Variants in KAT6B observed in about 807,000 individuals in gnomAD.
KAT6B encodes lysine acetyltransferase 6B, also known as histone acetyltransferase KAT6B.
In KAT6B, 10 loss-of-function variants were observed where a neutral mutation model predicts 187.5. The ratio of observed to expected loss-of-function variants is 0.05; its 90% CI spans 0.03 to 0.09. The LOEUF (loss-of-function observed/expected upper bound fraction) is 0.09. Among genes scored for constraint, KAT6B ranks in the 10% least tolerant of loss-of-function variants. KAT6B has a pLI of 1.00. For missense variants in KAT6B, 1,952 were observed against 2,558.9 expected, an observed-to-expected ratio of 0.76 and a Z score of 5.12; for synonymous variants, 861 against 926.8, an observed-to-expected ratio of 0.93 and a Z score of 1.29.
At chr10:74,945,726 A>G (rs892074649) in intron 3 of KAT6B, among the ~76,000 whole-genome samples, 1 of 152,100 alleles carries the variant, frequency 6.6e-6, no homozygotes, top group Non-Finnish European at 1.5e-5. Context: ...CTGGGATTAC[A>G]GGCATGAGCC....
intron 3 of KAT6B, among the ~76,000 whole-genome samples, chr10:74,851,193 C>T (rs537515300): frequency 1.3e-5 from 2 of 151,852 alleles, no homozygotes; most frequent in Admixed American, 6.6e-5. Flanking sequence ...CTGCAGCTGC[C>T]GCCTCTCGGG....
chr10:74,991,483 CAT>C (rs1843122455), intron 13 of KAT6B, among the ~76,000 whole-genome samples: 1 of 152,038 alleles, frequency 6.6e-6, no homozygotes, highest in African/African-American at 2.4e-5. Flanking sequence ...TTTTTTTAAC[CAT>C]TTTAGTGAAA....
intron 3 of KAT6B, among the ~76,000 whole-genome samples, chr10:74,953,729 A>G (rs763212817): frequency 2.0e-5 from 3 of 152,186 alleles, no homozygotes; most frequent in Non-Finnish European, 4.4e-5. Context: ...AATGGCTTAC[A>G]AAACCCCTTT....
chr10:74,956,566 T>C (rs1348029288), intron 3 of KAT6B, among the ~76,000 whole-genome samples: 1 of 152,198 alleles, frequency 6.6e-6, no homozygotes, highest in Non-Finnish European at 1.5e-5. Flanking sequence ...TTCTGAGGAA[T>C]GGAGGGGAGG....
At chr10:74,873,615 A>T (rs1443857341) in intron 3 of KAT6B, among the ~76,000 whole-genome samples, 2 of 152,014 alleles carry the variant, frequency 1.3e-5, no homozygotes, top group African/African-American at 4.8e-5. Context: ...GACAGTGGGG[A>T]TGGAGAGATG....
At chr10:74,845,385 G>A (rs1214106448) in intron 3 of KAT6B, among the ~76,000 whole-genome samples, 2 of 151,672 alleles carry the variant, frequency 1.3e-5, no homozygotes, top group Non-Finnish European at 2.9e-5. Flanking sequence ...AGGCAGGCGT[G>A]GTGGGGGGCA....
At chr10:74,962,407 A>G (rs1246948567) in intron 4 of KAT6B, among the ~76,000 whole-genome samples, 1 of 152,132 alleles carries the variant, frequency 6.6e-6, no homozygotes, top group Non-Finnish European at 1.5e-5. Context: ...ACAGTTCAGC[A>G]TTTCAAGTGG....
intron 3 of KAT6B, among the ~76,000 whole-genome samples, chr10:74,927,276 C>A (rs1435365533): frequency 6.6e-6 from 1 of 152,088 alleles, no homozygotes. Context: ...GGAGTCATAT[C>A]TTTTGACTGG....
chr10:74,999,395 T>C (rs1265202808), intron 13 of KAT6B, among the ~76,000 whole-genome samples: 1 of 152,110 alleles, frequency 6.6e-6, no homozygotes, highest in African/African-American at 2.4e-5. Flanking sequence ...CATGCGGTGG[T>C]AGCTGAAACC....
intron 16 of KAT6B, 59 bp downstream of exon 16, chr10:75,022,290 C>CA: frequency 1.9e-6 from 3 of 1,574,824 alleles, no homozygotes; most frequent in Non-Finnish European, 2.6e-6. Flanking sequence ...TTTGTCATTG[C>CA]AGACATTCTG....
chr10:75,006,091 C>T (rs1236966886), intron 13 of KAT6B, among the ~76,000 whole-genome samples: 2 of 151,958 alleles, frequency 1.3e-5, no homozygotes, highest in African/African-American at 4.8e-5. Flanking sequence ...TAAATGAAGT[C>T]GAAGAGTTAT....
chr10:75,021,285 G>A lies in KAT6B; in HGVS notation c.3021G>A (p.Glu1007=), dbSNP rs1387122342. The A allele has an allele frequency of 3.7e-6, 6 of 1,613,834 alleles. No homozygotes were observed. The East Asian group carries it at 1.1e-4, about 30-fold the overall frequency. The change falls in exon 15 of 18, where the codon GAG becomes GAA. Residue 1007 remains glutamate (E), a splice_region_variant and synonymous_variant. Coordinates refer to ENST00000287239, the MANE Select transcript of KAT6B (RefSeq NM_012330.4). The part of the protein sequence containing the change: ...VSEEEREAEK[E]AERLMEQASC... ...AAGAAGAGCGAGAAGCTGAGAAAGA[G>A]GTAATGATTGTCTTTATCATCCTAA... is the stretch of plus-strand genomic sequence containing the variant.
At chr10:74,899,387 C>T (rs988222647) in intron 3 of KAT6B, among the ~76,000 whole-genome samples, 7 of 151,452 alleles carry the variant, frequency 4.6e-5, no homozygotes, top group African/African-American at 9.7e-5. Flanking sequence ...GATTCTCCTG[C>T]CTCACCCTCC....
intron 1 of KAT6B, among the ~76,000 whole-genome samples, chr10:74,834,425 T>C (rs1050593610): frequency 6.6e-6 from 1 of 152,208 alleles, no homozygotes; most frequent in African/African-American, 2.4e-5. Flanking sequence ...CTCAATCTCC[T>C]GACCTCGTGA....
chr10:74,910,779 G>T (rs1847146312), intron 3 of KAT6B, among the ~76,000 whole-genome samples: 1 of 152,164 alleles, frequency 6.6e-6, no homozygotes, highest in South Asian at 2.1e-4. Flanking sequence ...GTATAAAACA[G>T]ATGTCACCAC....
upstream of KAT6B, among the ~76,000 whole-genome samples, chr10:74,825,259 C>G (rs1840100663): frequency 6.6e-6 from 1 of 151,902 alleles, no homozygotes; most frequent in African/African-American, 2.4e-5. This position sits in a 1 kb window ranked among gnomAD's most constrained non-coding sequence, Gnocchi z 5.0. Flanking sequence ...GGCGGGCACA[C>G]TCCCCGCCCC....
chr10:75,016,859 CTTTTTTTTTTT>C (rs11323524), intron 13 of KAT6B, among the ~76,000 whole-genome samples: 3 of 68,750 alleles, frequency 4.4e-5, no homozygotes, highest in Non-Finnish European at 9.0e-5. Flanking sequence ...AAGATAAGTG[CTTTTTTTTTTT>C]TTTTTTTTTT....
At chr10:74,913,128 G>A (rs1847371067) in intron 3 of KAT6B, among the ~76,000 whole-genome samples, 1 of 152,218 alleles carries the variant, frequency 6.6e-6, no homozygotes, top group Admixed American at 6.5e-5. Context: ...ATTATTCAGT[G>A]TGGTTATTTT....
At chr10:74,846,007 G>A (rs1314064949) in intron 3 of KAT6B, among the ~76,000 whole-genome samples, 4 of 151,728 alleles carry the variant, frequency 2.6e-5, no homozygotes, top group Admixed American at 2.6e-4. Context: ...GGGACTACAG[G>A]TGCACACCAC....
Sources: gnomAD v4.1 joint callset for allele counts (sites outside exome capture counted in the v4.1 genomes callset) on GRCh38, gnomAD v4.1.1 for gene constraint, Gnocchi (gnomAD v3.1) non-coding constraint, MANE v1.5 for transcripts, NCBI Gene and HGNC (gene_info 2026-07-23, HGNC 2026-07-21) for gene names.